The following NIPAL2 variants were observed in gnomAD, a reference collection of about 807,000 sequenced individuals.
The protein encoded by NIPAL2 is NIPA like domain containing 2.
Under a neutral mutation model 48.9 loss-of-function variants are expected in NIPAL2, and 43 were observed. The observed-to-expected ratio is 0.88, with a 90% confidence interval of 0.69 to 1.13. NIPAL2 has a LOEUF of 1.13. Ranked by LOEUF, NIPAL2 falls within the 50% of genes most tolerant of loss-of-function variation. The pLI, the probability that NIPAL2 is intolerant of heterozygous loss-of-function variation, is 0.00. For missense variants in NIPAL2, 446 were observed against 461.4 expected, an observed-to-expected ratio of 0.97 and a Z score of 0.31; for synonymous variants, 167 against 174.6, an observed-to-expected ratio of 0.96 and a Z score of 0.34.
At chr8:98,274,871 T>C (rs1437811890) in intron 1 of NIPAL2, among the ~76,000 whole-genome samples, 1 of 152,106 alleles carries the variant, frequency 6.6e-6, no homozygotes. Context: ...CTATATCCTG[T>C]TAGAATTGGT....
chr8:98,252,659 A>G, intron 2 of NIPAL2, 25 bp from the exon 3 acceptor site: 6 of 1,594,572 alleles, frequency 3.8e-6, no homozygotes, highest in Non-Finnish European at 5.1e-6. Context: ...GAAGACAAAT[A>G]AGAAAACATT....
At chr8:98,284,785 C>T (rs1816062181) in intron 1 of NIPAL2, among the ~76,000 whole-genome samples, 1 of 152,104 alleles carries the variant, frequency 6.6e-6, no homozygotes, top group Non-Finnish European at 1.5e-5. Flanking sequence ...CCCTAGGACT[C>T]TATACAGCAT....
intron 4 of NIPAL2, among the ~76,000 whole-genome samples, chr8:98,222,935 T>G (rs761467145): frequency 3.9e-5 from 6 of 152,212 alleles, no homozygotes; most frequent in Non-Finnish European, 7.4e-5. Context: ...CCTCCTAAGC[T>G]GACTGTTTCC....
At chr8:98,193,180 C>A in intron 10 of NIPAL2, 90 bp from the exon 11 acceptor site, 1 of 1,158,534 alleles carries the variant, frequency 8.6e-7, no homozygotes, top group South Asian at 1.3e-5. Flanking sequence ...CACATTTTAT[C>A]ACCTCTCTTT....
At chr8:98,264,593 A>C (rs1421643147) in intron 1 of NIPAL2, among the ~76,000 whole-genome samples, 1 of 151,234 alleles carries the variant, frequency 6.6e-6, no homozygotes, top group Non-Finnish European at 1.5e-5. Context: ...GGACCTCTTC[A>C]AGGAGAACTA....
chr8:98,198,615 A>T (rs2130690688), intron 8 of NIPAL2, among the ~76,000 whole-genome samples: 1 of 152,356 alleles, frequency 6.6e-6, no homozygotes, highest in Middle Eastern at 3.4e-3. Flanking sequence ...TGTTCCAGAC[A>T]ACTTGCTGCA....
intron 5 of NIPAL2, among the ~76,000 whole-genome samples, chr8:98,219,030 T>G (rs1811712586): frequency 6.6e-6 from 1 of 152,074 alleles, no homozygotes; most frequent in African/African-American, 2.4e-5. Context: ...TCAAGAGACT[T>G]TACATTTCCA....
At chr8:98,212,790 A>G (rs1001900197) in intron 5 of NIPAL2, among the ~76,000 whole-genome samples, 5 of 152,138 alleles carry the variant, frequency 3.3e-5, no homozygotes, top group African/African-American at 2.4e-5. Context: ...CATGTTTAAT[A>G]GACACGCCAC....
At chr8:98,245,230 G>A (rs1217334117) in intron 3 of NIPAL2, among the ~76,000 whole-genome samples, 2 of 152,134 alleles carry the variant, frequency 1.3e-5, no homozygotes, top group Non-Finnish European at 2.9e-5. Context: ...TGGACACATC[G>A]AGCGTGCTCA....
Position 98,267,022 on chromosome 8 carries a change from G to A in NIPAL2, c.136-12935C>T, listed in dbSNP as rs969597313. Reference sequence around the variant, plus strand: ...TTGTTTGGCAGACATAGTAAATGAAGGTTTTGCTGTTTCTTTATTCCCCAT... The same window carrying A: ...TTGTTTGGCAGACATAGTAAATGAAAGTTTTGCTGTTTCTTTATTCCCCAT... On this transcript the variant is annotated intron_variant, in intron 1 of 10. Coordinates refer to ENST00000430223, the MANE Select transcript of NIPAL2 (RefSeq NM_001321635.2). 3.3e-5 allele frequency among the ~76,000 whole-genome samples: 5 copies of A among 151,412 alleles called. No homozygotes were observed. In the South Asian group the frequency reaches 1.0e-3, roughly 31 times the overall value.
intron 8 of NIPAL2, among the ~76,000 whole-genome samples, chr8:98,199,107 C>T (rs1810691400): frequency 6.6e-6 from 1 of 151,936 alleles, no homozygotes; most frequent in South Asian, 2.1e-4. Context: ...CAGTCATGTG[C>T]CACCATGCCC....
intron 1 of NIPAL2, 73 bp from the exon 2 acceptor site, chr8:98,254,160 G>T: frequency 8.0e-7 from 1 of 1,244,724 alleles, no homozygotes; most frequent in Non-Finnish European, 1.2e-6. Flanking sequence ...AAATTTAGGT[G>T]TTCATTCATT....
At chr8:98,238,348 G>A (rs1344236735) in intron 3 of NIPAL2, among the ~76,000 whole-genome samples, 1 of 152,126 alleles carries the variant, frequency 6.6e-6, no homozygotes, top group East Asian at 1.9e-4. Flanking sequence ...ATATATTGGT[G>A]TTTTTATTTC....
chr8:98,226,944 T>C (rs1812208381), intron 4 of NIPAL2, among the ~76,000 whole-genome samples: 1 of 152,182 alleles, frequency 6.6e-6, no homozygotes, highest in Non-Finnish European at 1.5e-5. Flanking sequence ...CCTGGTGTTC[T>C]ATTCTACTGC....
At chr8:98,205,015 A>T in intron 7 of NIPAL2, 96 bp downstream of exon 7, 1 of 1,311,376 alleles carries the variant, frequency 7.6e-7, no homozygotes, top group Non-Finnish European at 1.1e-6. Flanking sequence ...AATCAGTTGT[A>T]TCTCATTTTA....
intron 1 of NIPAL2, among the ~76,000 whole-genome samples, chr8:98,256,875 A>G (rs189465982): frequency 6.6e-6 from 1 of 152,240 alleles, no homozygotes; most frequent in Non-Finnish European, 1.5e-5. Flanking sequence ...AGCATTATTC[A>G]TAATAGCCAA....
At position 98,194,889 on chromosome 8, in the gene NIPAL2, G is replaced by A. The variant is rs372334828; in HGVS notation, c.945-67C>T. ...CAGACTCATGGTATTAAATAACTGAGCTCCATATTCTACATGATGACATAA... is the reference window on the plus strand; with the variant it reads ...CAGACTCATGGTATTAAATAACTGAACTCCATATTCTACATGATGACATAA... On this transcript the variant is annotated intron_variant, in intron 9 of 10. Transcript: ENST00000430223. 3.4e-4 allele frequency: 299 copies of A among 891,852 alleles called. No homozygotes were observed. In the African/African-American group the frequency reaches 4.5e-3, roughly 14 times the overall value. The allele number at this position is 891,852 out of a possible 1,614,324, so 55.2% of individuals were successfully genotyped here.
At chr8:98,248,271 T>C (rs750960415) in intron 3 of NIPAL2, among the ~76,000 whole-genome samples, 3 of 152,220 alleles carry the variant, frequency 2.0e-5, no homozygotes, top group Non-Finnish European at 2.9e-5. Flanking sequence ...CTTTCTTGAA[T>C]TGGTTTCTCC....
In NIPAL2 at chr8:98,227,523, G is replaced by A. The variant is rs116069647; in HGVS notation, c.437-4923C>T. 5.9e-3 allele frequency among the ~76,000 whole-genome samples: 900 copies of A among 152,240 alleles called. 10 individuals are homozygous for A. Among genetic ancestry groups the A allele is most frequent in the African/African-American group, 0.021 (861 of 41,542 alleles). ...CTTCAAGGCAGTGGCTTCCTTTCTG[G>A]CCCAGGGTGTGTCGAGAAATGTCAT... On this transcript the variant is annotated intron_variant, in intron 4 of 10. Coordinates refer to ENST00000430223, the MANE Select transcript of NIPAL2 (RefSeq NM_001321635.2).
Sources: gnomAD v4.1 joint callset for allele counts (sites outside exome capture counted in the v4.1 genomes callset) on GRCh38, gnomAD v4.1.1 for gene constraint, MANE v1.5 for transcripts, NCBI Gene and HGNC (gene_info 2026-07-23, HGNC 2026-07-21) for gene names.